TRUB2: variants seen among roughly 807,000 people sequenced by gnomAD.
The protein encoded by TRUB2 is TruB pseudouridine synthase family member 2.
TRUB2 carries 31 observed loss-of-function variants against 31.9 expected under a neutral mutation model. That is an observed-to-expected ratio of 0.97 (90% CI 0.73 to 1.31). The LOEUF (loss-of-function observed/expected upper bound fraction) is 1.31. Ranked by LOEUF, TRUB2 falls within the 50% of genes most tolerant of loss-of-function variation. The probability of loss-of-function intolerance (pLI) is 0.00; values close to 1 mark genes in which losing one functional copy is unlikely to be tolerated. For missense variants in TRUB2, 451 were observed against 439.6 expected (o/e 1.03, Z -0.23); for synonymous variants, 201 against 182.6 (o/e 1.10, Z -0.81).
At chr9:128,313,354 G>A (rs1832008315) in intron 5 of TRUB2, among the ~76,000 whole-genome samples, 2 of 150,414 alleles carry the variant, frequency 1.3e-5, no homozygotes, top group South Asian at 4.2e-4. Flanking sequence ...GTGAAACCCC[G>A]TCTCCCATCT....
In TRUB2 at chr9:128,319,243, G is replaced by A. The variant is rs372096029; in HGVS notation, c.242-2017C>T. Among the ~76,000 whole-genome samples the A allele has an allele frequency of 4.6e-4, 70 of 151,326 alleles. 1 individual carries two copies. The highest frequency in any genetic ancestry group is 1.4e-3 in the East Asian group (7 of 5,084). On this transcript the variant is annotated intron_variant, in intron 2 of 7. Coordinates refer to ENST00000372890, the MANE Select transcript of TRUB2 (RefSeq NM_015679.3). ...CGGGAGGCTGAGGCAGGAGAATGGC[G>A]TGAACCCAGGAGGAGAAGCTTGCAG...
rs775569109 is a variant in TRUB2 at position 128,315,542 on chromosome 9, G to T, written c.378+25C>A. 3 of 1,610,030 alleles carry T rather than the reference G, an allele frequency of 1.9e-6. No homozygotes were observed. In the South Asian group the frequency reaches 3.3e-5, roughly 18 times the overall value. ...CCCCCAGGAAAGGACCAAGGGAGAA[G>T]CAGGCTGTCCCCAGACCCTCGTACC... On this transcript the variant is annotated intron_variant, in intron 4 of 7. Transcript: ENST00000372890.
chr9:128,311,098 C>T (rs1831962005), intron 6 of TRUB2, 75 bp from the exon 7 acceptor site: 1 of 1,575,502 alleles, frequency 6.3e-7, no homozygotes, highest in South Asian at 1.1e-5. Context: ...TCTCTGGAAG[C>T]TCCTCACTTG....
chr9:128,311,715 A>C, intron 5 of TRUB2, 114 bp from the exon 6 acceptor site: 3 of 1,124,048 alleles, frequency 2.7e-6, no homozygotes, highest in Non-Finnish European at 3.9e-6. Flanking sequence ...GATGTTTTGG[A>C]GGGATCCCCA....
chr9:128,306,908 G>C lies in TRUB2; in HGVS notation c.*2642C>G, dbSNP rs959221056. 1 of 151,534 alleles carries C rather than the reference G, an allele frequency of 6.6e-6. No homozygotes were observed. The highest frequency in any genetic ancestry group is 1.5e-5 in the Non-Finnish European group (1 of 67,930). 9.4% of individuals were successfully genotyped at this position (151,534 alleles called of 1,614,324 possible). ...GCGTCACCATAGCTGGCTAATTTTT[G>C]TATTTTTAGTAGAGACAGGGTTTCA... On this transcript the variant is annotated 3_prime_UTR_variant, in exon 8 of 8. Coordinates refer to ENST00000372890, the MANE Select transcript of TRUB2 (RefSeq NM_015679.3).
chr9:128,318,944 C>T (rs28600358), intron 2 of TRUB2, among the ~76,000 whole-genome samples: 25,168 of 151,780 alleles, frequency 0.17, 4,334 homozygotes, highest in African/African-American at 0.44. Context: ...CACTTTGAGA[C>T]GCCGAGGCAG....
chr9:128,313,535 CAAAA>C (rs563876862), intron 5 of TRUB2, among the ~76,000 whole-genome samples: 6 of 79,208 alleles, frequency 7.6e-5, no homozygotes, highest in South Asian at 4.1e-4. Context: ...GACTCCGTCT[CAAAA>C]AAAAAAAAAA....
intron 3 of TRUB2, 151 bp downstream of exon 3, chr9:128,317,001 T>C: frequency 1.5e-6 from 1 of 655,302 alleles, no homozygotes; most frequent in Non-Finnish European, 2.6e-6. Context: ...ACCTATCCAC[T>C]CCCCAGCTGA....
At chr9:128,321,948 A>G (rs1355369397) in intron 1 of TRUB2, among the ~76,000 whole-genome samples, 2 of 152,192 alleles carry the variant, frequency 1.3e-5, no homozygotes, top group East Asian at 1.9e-4. Flanking sequence ...CTGACCAGGA[A>G]TATCTTGTTC....
chr9:128,317,416 G>T (rs1301375290), intron 2 of TRUB2, among the ~76,000 whole-genome samples, 190 bp from the exon 3 acceptor site: 1 of 152,092 alleles, frequency 6.6e-6, no homozygotes, highest in Non-Finnish European at 1.5e-5. Context: ...GGATCCAAAG[G>T]GCAGCCCAAG....
At chr9:128,313,985 C>T (rs892824293) in intron 4 of TRUB2, 96 bp from the exon 5 acceptor site, 1 of 1,122,994 alleles carries the variant, frequency 8.9e-7, no homozygotes, top group Non-Finnish European at 1.3e-6. Context: ...CCTCAGGTCT[C>T]CCTCAGGAAG....
intron 7 of TRUB2, among the ~76,000 whole-genome samples, chr9:128,310,385 A>G (rs1010412067): frequency 6.6e-6 from 1 of 151,894 alleles, no homozygotes; most frequent in Non-Finnish European, 1.5e-5. Context: ...TTATAGAAAG[A>G]TAAATGATTA....
intron 4 of TRUB2, among the ~76,000 whole-genome samples, chr9:128,314,416 A>C (rs186609014): frequency 9.2e-5 from 14 of 152,068 alleles, no homozygotes; most frequent in Admixed American, 5.2e-4. Flanking sequence ...GCCCTTGCTC[A>C]TCCCTGCTTG....
chr9:128,319,097 C>T (rs1476478206), intron 2 of TRUB2, among the ~76,000 whole-genome samples: 2 of 151,680 alleles, frequency 1.3e-5, no homozygotes, highest in Non-Finnish European at 2.9e-5. Flanking sequence ...GAGGCCGAGG[C>T]GGGTGGATCA....
rs1310532870 is a variant in TRUB2, at chr9:128,308,328, T to C, written c.*1222A>G. ...CCAGGCGGATCACGAGGTCAGGAGA[T>C]TGAGACCATCCTGGCTAACACGGTG... On this transcript the variant is annotated 3_prime_UTR_variant, in exon 8 of 8. Transcript: ENST00000372890. 1 of 150,398 alleles carries C rather than the reference T, an allele frequency of 6.6e-6. No individual in the cohort carries two copies. The highest frequency in any genetic ancestry group is 1.5e-5 in the Non-Finnish European group (1 of 67,850). 9.3% of individuals were successfully genotyped at this position (150,398 alleles called of 1,614,324 possible).
intron 2 of TRUB2, among the ~76,000 whole-genome samples, chr9:128,320,813 G>A (rs372319483): frequency 8.6e-5 from 13 of 150,464 alleles, no homozygotes; most frequent in South Asian, 6.3e-4. Flanking sequence ...TTTTTGAGAC[G>A]GAGTCTCGCT....
chr9:128,310,942 C>T lies in TRUB2; in HGVS notation c.615G>A (p.Pro205=), dbSNP rs72756871. The change falls in exon 7 of 8, where the codon CCG becomes CCA. Residue 205 remains proline (P), a synonymous_variant. Coordinates refer to ENST00000372890, the MANE Select transcript of TRUB2 (RefSeq NM_015679.3). ...GGCATCGGATGCCAGTTATCAGCAT[C>T]GGGGACTTGTTCATGGGCCGGATCA... The part of the protein sequence containing the change: ...RGLIRPMNKS[P]MLITGIRCLY... 1.9e-5 allele frequency: 30 copies of T among 1,614,222 alleles called. No individual in the cohort carries two copies. The highest frequency in any genetic ancestry group is 1.6e-4 in the Middle Eastern group (1 of 6,062).
chr9:128,315,790 G>T, intron 3 of TRUB2, 162 bp from the exon 4 acceptor site: 1 of 709,588 alleles, frequency 1.4e-6, no homozygotes, highest in Non-Finnish European at 2.4e-6. Flanking sequence ...ACCCCTCTGG[G>T]TATATATCAC....
intron 1 of TRUB2, among the ~76,000 whole-genome samples, 189 bp downstream of exon 1, chr9:128,322,111 C>A (rs560137245): frequency 6.6e-6 from 1 of 152,170 alleles, no homozygotes; most frequent in Non-Finnish European, 1.5e-5. Flanking sequence ...AGGAACAATA[C>A]TGAGTCAGTT....
Sources: allele counts gnomAD v4.1 joint callset (sites outside exome capture counted in the v4.1 genomes callset), GRCh38; gene constraint gnomAD v4.1.1; transcripts MANE v1.5; gene names NCBI Gene and HGNC (gene_info 2026-07-23, HGNC 2026-07-21).